Variants in METTL15 observed in about 807,000 individuals in gnomAD.
METTL15 encodes the protein methyltransferase 15, mitochondrial 12S rRNA N4-cytidine, also known as 12S rRNA N(4)-cytidine methyltransferase METTL15.
A neutral mutation model predicts 38.3 loss-of-function variants in METTL15; 34 were observed. The ratio of observed to expected loss-of-function variants is 0.89; its 90% CI spans 0.68 to 1.18. The LOEUF is 1.18. Among genes scored for constraint, METTL15 ranks in the 50% most tolerant of loss-of-function variants. The pLI is 0.00. For missense variants in METTL15, 438 were observed against 498.4 expected (o/e 0.88, Z 1.15); for synonymous variants, 162 against 170.9 (o/e 0.95, Z 0.41).
intron 4 of METTL15, among the ~76,000 whole-genome samples, chr11:28,355,794 T>A (rs770382624): frequency 1.6e-4 from 25 of 152,138 alleles, no homozygotes; most frequent in Admixed American, 4.6e-4. Context: ...CCCCCAGGCA[T>A]ACCAAGGGAC....
At chr11:28,247,782 C>T (rs542846769) in intron 4 of METTL15, among the ~76,000 whole-genome samples, 4 of 152,034 alleles carry the variant, frequency 2.6e-5, no homozygotes, top group East Asian at 3.9e-4. Flanking sequence ...GTTAACAAGG[C>T]GTTACGAGAT....
At chr11:28,266,163 G>C (rs1303070619) in intron 4 of METTL15, among the ~76,000 whole-genome samples, 1 of 152,102 alleles carries the variant, frequency 6.6e-6, no homozygotes, top group Non-Finnish European at 1.5e-5. Context: ...ATTCCTCAGG[G>C]ATCTAGAACT....
intron 3 of METTL15, among the ~76,000 whole-genome samples, chr11:28,201,843 C>G (rs1443049959): frequency 1.3e-5 from 2 of 151,818 alleles, no homozygotes; most frequent in Non-Finnish European, 1.5e-5. Context: ...AAAGATGGAA[C>G]AAGGCAAAAA....
intron 6 of METTL15, among the ~76,000 whole-genome samples, chr11:28,513,885 C>G (rs184446982): frequency 1.3e-5 from 2 of 152,334 alleles, no homozygotes; most frequent in East Asian, 3.9e-4. Flanking sequence ...TCCGGTAAAC[C>G]CACAACCTTC....
At chr11:28,474,673 G>A (rs764086948) in intron 6 of METTL15, among the ~76,000 whole-genome samples, 8 of 152,164 alleles carry the variant, frequency 5.3e-5, no homozygotes, top group East Asian at 1.9e-4. Flanking sequence ...AAAGAAGAGC[G>A]GATGGTGCAA....
chr11:28,160,138 G>T (rs1049832968), intron 3 of METTL15, among the ~76,000 whole-genome samples: 2 of 152,006 alleles, frequency 1.3e-5, no homozygotes, highest in African/African-American at 4.8e-5. Flanking sequence ...CATGCTGGAT[G>T]CTTCCTGACC....
At chr11:28,401,667 T>C (rs1415662076) in intron 5 of METTL15, among the ~76,000 whole-genome samples, 1 of 152,004 alleles carries the variant, frequency 6.6e-6, no homozygotes, top group East Asian at 1.9e-4. Flanking sequence ...ATTTGGCTCT[T>C]GCTGAACTCC....
chr11:28,321,232 G>T (rs1327108893), intron 6 of METTL15, among the ~76,000 whole-genome samples: 7 of 152,038 alleles, frequency 4.6e-5, no homozygotes, highest in African/African-American at 1.7e-4. Context: ...ATTTTTTAAC[G>T]TGATTTTCAC....
chr11:28,344,883 G>A (rs962478127), intron 3 of METTL15, among the ~76,000 whole-genome samples: 1 of 152,200 alleles, frequency 6.6e-6, no homozygotes, highest in African/African-American at 2.4e-5. Context: ...ATTGAGGAAA[G>A]TAAAATGAAA....
chr11:28,282,723 A>G (rs998742441), intron 4 of METTL15, among the ~76,000 whole-genome samples: 3 of 152,150 alleles, frequency 2.0e-5, no homozygotes, highest in African/African-American at 7.2e-5. Context: ...ACTTGGGCTA[A>G]CCTGCTAAAT....
chr11:28,110,914 A>G (rs1452192253), intron 2 of METTL15, among the ~76,000 whole-genome samples: 1 of 152,010 alleles, frequency 6.6e-6, no homozygotes, highest in East Asian at 1.9e-4. Context: ...AGTTTTCCTG[A>G]CTCCCTGCTT....
At position 28,114,263 on chromosome 11, in the gene METTL15, C is replaced by T. The variant is rs1002233123; in HGVS notation, c.270+659C>T. 5.9e-5 allele frequency among the ~76,000 whole-genome samples: 9 copies of T among 152,218 alleles called. No individual in the cohort carries two copies. In the South Asian group the frequency reaches 1.9e-3, roughly 32 times the overall value. On this transcript the variant is annotated intron_variant, in intron 3 of 6. Transcript: ENST00000407364. ...GGCATTTTTTATCTGCCTTCTTTTACTCAGCATGTTTTCAGGGTTCTTCCA... is the reference window on the plus strand; with the variant it reads ...GGCATTTTTTATCTGCCTTCTTTTATTCAGCATGTTTTCAGGGTTCTTCCA...
intron 6 of METTL15, among the ~76,000 whole-genome samples, chr11:28,483,189 T>C (rs146197300): frequency 5.6e-4 from 86 of 152,328 alleles, no homozygotes; most frequent in African/African-American, 2.0e-3. Flanking sequence ...CCTCCCATTA[T>C]GTGAGCACTT....
intron 5 of METTL15, among the ~76,000 whole-genome samples, chr11:28,396,900 C>G (rs1161462978): frequency 1.3e-5 from 2 of 152,016 alleles, no homozygotes; most frequent in South Asian, 4.2e-4. Context: ...GAGAAATAGA[C>G]CAATGGAACA....
At chr11:28,337,340 T>G (rs1262062867), downstream of METTL15, among the ~76,000 whole-genome samples, 1 of 152,088 alleles carries the variant, frequency 6.6e-6, no homozygotes. Flanking sequence ...CACAGCTTGT[T>G]GCAGTCTTGA....
chr11:28,129,612 G>A (rs1852668379), intron 3 of METTL15, among the ~76,000 whole-genome samples: 1 of 152,080 alleles, frequency 6.6e-6, no homozygotes, highest in Non-Finnish European at 1.5e-5. Flanking sequence ...ATTTCACCGT[G>A]TTGGCCAGGC....
At position 28,486,109 on chromosome 11, in the gene METTL15, G is replaced by A. The variant is rs1479223042; in HGVS notation, c.*425-40369G>A. Among the ~76,000 whole-genome samples, 4 of 152,182 alleles carry A rather than the reference G, an allele frequency of 2.6e-5. No homozygotes were observed. The South Asian group carries it at 6.2e-4, about 24-fold the overall frequency. On this transcript the variant is annotated intron_variant and NMD_transcript_variant, in intron 6 of 7. Transcript: ENST00000532947. ...GTCCATAGTTAGCGCTATGAGAAGG[G>A]GAGTATCAATTTTAGTTGATAGATG...
intron 3 of METTL15, among the ~76,000 whole-genome samples, chr11:28,127,256 G>A (rs1450936636): frequency 1.3e-5 from 2 of 152,100 alleles, no homozygotes; most frequent in Non-Finnish European, 2.9e-5. Context: ...CATTGGAGAA[G>A]AATGGGCAGA....
intron 6 of METTL15, among the ~76,000 whole-genome samples, chr11:28,441,725 A>G (rs1225034087): frequency 3.9e-5 from 6 of 152,142 alleles, no homozygotes. Flanking sequence ...AATCTTGCTA[A>G]AACATCACTT....
Sources: allele counts gnomAD v4.1 joint callset (sites outside exome capture counted in the v4.1 genomes callset), GRCh38; gene constraint gnomAD v4.1.1; transcripts MANE v1.5; gene names NCBI Gene and HGNC (gene_info 2026-07-23, HGNC 2026-07-21).